The following TRPM3 variants were observed in gnomAD, a reference collection of about 807,000 sequenced individuals.
TRPM3 encodes the protein transient receptor potential cation channel subfamily M member 3.
A neutral mutation model predicts 181.2 loss-of-function variants in TRPM3; 77 were observed. The observed-to-expected ratio is 0.42, with a 90% CI of 0.35 to 0.51. The LOEUF is 0.51. Ranked by LOEUF, TRPM3 falls within the 20% of genes least tolerant of loss-of-function variation. The probability of loss-of-function intolerance (pLI) is 0.01; values close to 1 mark genes in which losing one functional copy is unlikely to be tolerated. For synonymous variants in TRPM3, 745 were observed against 796.4 expected (o/e 0.94, Z 1.09); for missense variants, 1,759 against 2,196.7 (o/e 0.80, Z 3.98).
chr9:70,802,162 A>G (rs1485099937), intron 6 of TRPM3, among the ~76,000 whole-genome samples: 1 of 152,224 alleles, frequency 6.6e-6, no homozygotes, highest in East Asian at 1.9e-4. Context: ...TTTGCCTGTG[A>G]AAAGAAGTGA....
chr9:70,856,785 G>A (rs1395538826), intron 3 of TRPM3, among the ~76,000 whole-genome samples: 1 of 152,172 alleles, frequency 6.6e-6, no homozygotes, highest in Non-Finnish European at 1.5e-5. Context: ...AGTGTAAATA[G>A]CAAGGGAAAA....
chr9:70,540,289 G>A (rs1454682916), intron 25 of TRPM3, among the ~76,000 whole-genome samples: 1 of 152,202 alleles, frequency 6.6e-6, no homozygotes, highest in African/African-American at 2.4e-5. Flanking sequence ...TAAGAGGCAG[G>A]GGAGGTTTAT....
chr9:70,574,919 T>G (rs2053500015), intron 22 of TRPM3, among the ~76,000 whole-genome samples: 1 of 151,870 alleles, frequency 6.6e-6, no homozygotes, highest in African/African-American at 2.4e-5. Flanking sequence ...AGTGAGCTTG[T>G]TTTTTTCTTT....
upstream of TRPM3, among the ~76,000 whole-genome samples, chr9:71,122,211 T>C (rs997277063): frequency 1.3e-5 from 2 of 152,234 alleles, no homozygotes; most frequent in Non-Finnish European, 2.9e-5. Flanking sequence ...CTATAAAGAA[T>C]GGATTTTCCT....
chr9:70,816,859 T>C (rs192390474), intron 6 of TRPM3, among the ~76,000 whole-genome samples: 69 of 152,328 alleles, frequency 4.5e-4, no homozygotes, highest in African/African-American at 1.6e-3. Context: ...TCTAAAATAA[T>C]CCATATCTTT....
At chr9:70,684,694 A>T (rs1052147178) in intron 8 of TRPM3, among the ~76,000 whole-genome samples, 1 of 152,140 alleles carries the variant, frequency 6.6e-6, no homozygotes, top group Non-Finnish European at 1.5e-5. Context: ...TCTTGGAGGG[A>T]ATGTGAATTA....
chr9:71,351,988 G>C (rs1019022768), intron 1 of TRPM3, among the ~76,000 whole-genome samples: 3 of 149,406 alleles, frequency 2.0e-5, no homozygotes, highest in African/African-American at 7.4e-5. Context: ...CCATTCTCCT[G>C]CCTCAGCCTC....
At chr9:71,220,994 G>A (rs1565355456) in intron 1 of TRPM3, among the ~76,000 whole-genome samples, 3 of 152,106 alleles carry the variant, frequency 2.0e-5, no homozygotes, top group Admixed American at 6.6e-5. Context: ...AGTACAATGT[G>A]AGACGGGCCA....
At chr9:70,934,500 A>G (rs1320677072) in intron 1 of TRPM3, among the ~76,000 whole-genome samples, 2 of 152,248 alleles carry the variant, frequency 1.3e-5, no homozygotes, top group African/African-American at 2.4e-5. Context: ...GGGAAAAAAC[A>G]TAAGCTTGGG....
chr9:71,215,055 A>C lies in TRPM3; in HGVS notation c.183+231598T>G, dbSNP rs2079773687. Among the ~76,000 whole-genome samples the C allele has an allele frequency of 3.3e-5, 5 of 151,622 alleles. No homozygotes were observed. The South Asian group carries it at 6.2e-4, about 19-fold the overall frequency. Reference sequence around the variant, plus strand: ...AAACAAAAAAAAAAAAACAAAAAAAAAAAAAAACAACAACCCAAAACTGTA... The same window carrying C: ...AAACAAAAAAAAAAAAACAAAAAAACAAAAAAACAACAACCCAAAACTGTA... On this transcript the variant is annotated intron_variant, in intron 1 of 24. Transcript: ENST00000357533.
intron 1 of TRPM3, among the ~76,000 whole-genome samples, chr9:71,421,337 A>T (rs1441242321): frequency 6.6e-6 from 1 of 151,836 alleles, no homozygotes; most frequent in Non-Finnish European, 1.5e-5. Context: ...ACAAACCACC[A>T]ATCTACTCCC....
At chr9:70,955,652 A>G (rs952457228) in intron 1 of TRPM3, among the ~76,000 whole-genome samples, 3 of 152,200 alleles carry the variant, frequency 2.0e-5, no homozygotes, top group African/African-American at 7.2e-5. Context: ...ATTTTTGACC[A>G]CTATTCCAGA....
At chr9:71,321,893 G>C (rs1173936833) in intron 1 of TRPM3, among the ~76,000 whole-genome samples, 2 of 152,032 alleles carry the variant, frequency 1.3e-5, no homozygotes, top group Non-Finnish European at 2.9e-5. Flanking sequence ...TACTTGAGGA[G>C]CCAAAAATAA....
chr9:71,072,605 A>G (rs1294734940), intron 1 of TRPM3, among the ~76,000 whole-genome samples: 1 of 152,168 alleles, frequency 6.6e-6, no homozygotes, highest in East Asian at 1.9e-4. Flanking sequence ...CAAGAGCTGG[A>G]CCCAACCCGT....
chr9:70,675,951 T>G (rs1186009270), intron 9 of TRPM3, among the ~76,000 whole-genome samples: 1 of 152,250 alleles, frequency 6.6e-6, no homozygotes, highest in Non-Finnish European at 1.5e-5. Context: ...AAGCCCATAC[T>G]TTATTCACAT....
intron 1 of TRPM3, among the ~76,000 whole-genome samples, chr9:71,420,649 GAGAAAGAA>G (rs1565556468): frequency 7.9e-6 from 1 of 125,838 alleles, no homozygotes; most frequent in Admixed American, 9.6e-5. Context: ...GAGAGAGAAA[GAGAAAGAA>G]AAAGAGAAAG....
At chr9:70,603,248 A>G in intron 20 of TRPM3, 94 bp downstream of exon 20, 2 of 1,457,718 alleles carry the variant, frequency 1.4e-6, no homozygotes, top group Non-Finnish European at 1.9e-6. Context: ...TTTCCGGCTT[A>G]ATTTGCATCC....
At chr9:71,184,192 G>T (rs575329064) in intron 1 of TRPM3, among the ~76,000 whole-genome samples, 1 of 152,170 alleles carries the variant, frequency 6.6e-6, no homozygotes, top group East Asian at 1.9e-4. Context: ...ATGAGATATT[G>T]CTATTACCTA....
chr9:71,100,803 C>T (rs1341360243), intron 1 of TRPM3, among the ~76,000 whole-genome samples: 1 of 152,090 alleles, frequency 6.6e-6, no homozygotes, highest in Admixed American at 6.6e-5. Flanking sequence ...AAGAAAACCC[C>T]TTTGCCTTAC....
Sources: gnomAD v4.1 joint callset for allele counts (sites outside exome capture counted in the v4.1 genomes callset) on GRCh38, gnomAD v4.1.1 for gene constraint, MANE v1.5 for transcripts, NCBI Gene and HGNC (gene_info 2026-07-23, HGNC 2026-07-21) for gene names.